Variants in NFKBIZ observed in about 807,000 individuals in gnomAD.
NFKBIZ encodes NFKB inhibitor zeta.
Under a neutral mutation model 76.8 loss-of-function variants are expected in NFKBIZ, and 19 were observed. The ratio of observed to expected loss-of-function variants is 0.25; its 90% CI spans 0.17 to 0.36. The LOEUF (loss-of-function observed/expected upper bound fraction) is 0.36. Ranked by LOEUF, NFKBIZ falls within the 10% of genes least tolerant of loss-of-function variation. NFKBIZ has a pLI of 1.00. For synonymous variants in NFKBIZ, 368 were observed against 354.8 expected (o/e 1.04, Z -0.42); for missense variants, 829 against 910.9 (o/e 0.91, Z 1.16).
At chr3:101,841,344 A>G (rs1297055176) in intron 2 of NFKBIZ, among the ~76,000 whole-genome samples, 1 of 152,214 alleles carries the variant, frequency 6.6e-6, no homozygotes, top group Non-Finnish European at 1.5e-5. Flanking sequence ...GGAAGTATAT[A>G]AGTGCCAGTA....
intron 10 of NFKBIZ, 52 bp from the exon 11 acceptor site, chr3:101,857,240 T>C (rs2107422982): frequency 6.2e-7 from 1 of 1,611,376 alleles, no homozygotes; most frequent in South Asian, 1.1e-5. Context: ...TGAGCTCCTT[T>C]CATGAAATTT....
upstream of NFKBIZ, chr3:101,849,291 G>A (rs1942903889): frequency 4.7e-6 from 1 of 210,872 alleles, no homozygotes. Context: ...TCCCGGTGAA[G>A]GGCAGGCAAA....
In NFKBIZ at chr3:101,855,429, T is replaced by C; in HGVS notation, c.1625T>C (p.Phe542Ser). ...AAGGGAGCAGTGGGAAGTAATCAGT[T>C]TGTGGATCTTGAGGCAACTAACTAT... is the stretch of plus-strand genomic sequence containing the variant. ...IQKGAVGSNQ[F>S]VDLEATNYDG... The change falls in exon 8 of 12, where the codon TTT (phenylalanine) becomes TCT (serine). Residue 542 changes from phenylalanine (F) to serine (S), a missense_variant. Physicochemically the swap from Phe to Ser is radical, Grantham distance 155 (BLOSUM62 -2). This residue lies in a region of NFKBIZ where 272 missense variants were observed against 384.2 expected (regional missense o/e 0.71). Transcript: ENST00000326172. 1 of 1,614,212 alleles carries C rather than the reference T, an allele frequency of 6.2e-7. No individual in the cohort carries two copies. The highest frequency in any genetic ancestry group is 1.1e-5 in the South Asian group (1 of 91,084).
At chr3:101,842,443 G>T (rs758441423) in intron 2 of NFKBIZ, among the ~76,000 whole-genome samples, 9 of 151,882 alleles carry the variant, frequency 5.9e-5, no homozygotes, top group Non-Finnish European at 1.2e-4. Flanking sequence ...ATAGTGTAGA[G>T]CAAGCTTGTC....
chr3:101,858,736 G>A (rs984793473), intron 11 of NFKBIZ, among the ~76,000 whole-genome samples: 2 of 152,124 alleles, frequency 1.3e-5, no homozygotes, highest in African/African-American at 4.8e-5. Flanking sequence ...CTGAGAGATA[G>A]AAAATAAAAT....
At chr3:101,840,446 C>T (rs1942773545) in intron 2 of NFKBIZ, among the ~76,000 whole-genome samples, 1 of 152,002 alleles carries the variant, frequency 6.6e-6, no homozygotes, top group Non-Finnish European at 1.5e-5. Flanking sequence ...CACAGGTAGC[C>T]CTTCAGACTA....
rs1943123981 is a variant in NFKBIZ, at chr3:101,860,848, GAGTACTTA to G, written c.*1479_*1486del. 2 of 148,222 alleles carry G rather than the reference GAGTACTTA, an allele frequency of 1.3e-5. No homozygotes were observed. The highest frequency in any genetic ancestry group is 5.0e-5 in the African/African-American group (2 of 40,224). 9.2% of individuals were successfully genotyped at this position (148,222 alleles called of 1,614,324 possible). On this transcript the variant is annotated 3_prime_UTR_variant, in exon 12 of 12. Transcript: ENST00000326172. ...CATTAGTGAACTTATCTTTGCAGCTGAGTACTTAAATTCTTTTTAAAAAGATACCCTTT... is the reference window on the plus strand; with the variant it reads ...CATTAGTGAACTTATCTTTGCAGCTGAATTCTTTTTAAAAAGATACCCTTT...
At chr3:101,857,901 T>G (rs1253488476) in intron 11 of NFKBIZ, 4 of 860,904 alleles carry the variant, frequency 4.6e-6, no homozygotes, top group Non-Finnish European at 5.6e-6. Flanking sequence ...TGAACATCAA[T>G]AGTTAGAATT....
chr3:101,828,467 T>C (rs1942589814), intron 1 of NFKBIZ, among the ~76,000 whole-genome samples: 1 of 152,182 alleles, frequency 6.6e-6, no homozygotes, highest in Non-Finnish European at 1.5e-5. Context: ...GAATGGGTGA[T>C]GAAGTATCAT....
chr3:101,849,905 G>A lies in NFKBIZ; in HGVS notation c.277G>A (p.Glu93Lys), dbSNP rs575628701. The change falls in exon 1 of 12, where the codon GAG becomes AAG. Residue 93 changes from glutamate (E) to lysine (K), a missense_variant. Physicochemically the swap from Glu to Lys is moderately conservative, Grantham distance 56. This residue lies in a region of NFKBIZ where 181 missense variants were observed against 175.3 expected (regional missense o/e 1.03). Transcript: ENST00000326172. ...ESRSRGGARA[E>K]RQPVEPHMGV... is the part of the protein sequence containing the mutation. The stretch of plus-strand genomic sequence containing the variant: ...CCGGTCGAGAGGCGGCGCCCGCGCC[G>A]AGCGCCAGCCAGGTACCCGCCGGCC... 213 of 1,426,910 alleles carry A rather than the reference G, an allele frequency of 1.5e-4. 1 individual carries two copies. The highest frequency in any genetic ancestry group is 1.8e-4 in the Non-Finnish European group (199 of 1,097,792). The allele number at this position is 1,426,910 out of a possible 1,614,324, so 88.4% of individuals were successfully genotyped here. A position where few individuals can be genotyped will look rare whatever the true frequency, so the allele number is the denominator to read the frequency against.
chr3:101,850,133 G>GC (rs1209787931), intron 1 of NFKBIZ: 1 of 432,998 alleles, frequency 2.3e-6, no homozygotes, highest in Non-Finnish European at 4.0e-6. Context: ...CCTCCCGCGG[G>GC]CCTCGGGGGG....
upstream of NFKBIZ, chr3:101,849,028 G>C (rs1165271180): frequency 6.6e-6 from 1 of 152,638 alleles, no homozygotes; most frequent in Non-Finnish European, 1.5e-5. Flanking sequence ...CGCCGGGGCA[G>C]GCAGAGGGGT....
intron 1 of NFKBIZ, chr3:101,850,464 T>C (rs1560086969): frequency 6.6e-6 from 1 of 152,238 alleles, no homozygotes; most frequent in Non-Finnish European, 1.5e-5. Flanking sequence ...GTTATGCCTT[T>C]AGTTTGGCGA....
upstream of NFKBIZ, among the ~76,000 whole-genome samples, chr3:101,847,351 T>C (rs1250743675): frequency 6.6e-6 from 1 of 152,286 alleles, no homozygotes; most frequent in African/African-American, 2.4e-5. Flanking sequence ...AGGGATTTGT[T>C]TTCTTTTTTA....
Position 101,849,547 on chromosome 3 carries a change from C to G in NFKBIZ, c.-82C>G, listed in dbSNP as rs1942912897. On this transcript the variant is annotated 5_prime_UTR_variant, in exon 1 of 12. Coordinates refer to ENST00000326172, the MANE Select transcript of NFKBIZ (RefSeq NM_031419.4). Reference sequence around the variant, plus strand: ...CCGCGCCGTCCGCCCGCCGACAGCTCCCTGAGCCAGCCCGGGAGGCAGCCG... The same window carrying G: ...CCGCGCCGTCCGCCCGCCGACAGCTGCCTGAGCCAGCCCGGGAGGCAGCCG... 4.9e-6 allele frequency: 6 copies of G among 1,229,082 alleles called. No individual in the cohort carries two copies. Among genetic ancestry groups the G allele is most frequent in the Non-Finnish European group, 5.2e-6 (5 of 968,890 alleles). 76.1% of individuals were successfully genotyped at this position (1,229,082 alleles called of 1,614,324 possible).
intron 2 of NFKBIZ, among the ~76,000 whole-genome samples, chr3:101,834,629 G>A (rs936484225): frequency 3.9e-5 from 6 of 152,224 alleles, no homozygotes; most frequent in African/African-American, 1.4e-4. Context: ...CCAAAGTGCT[G>A]GGATCACAGG....
At position 101,855,409 on chromosome 3, in the gene NFKBIZ, A is replaced by T; in HGVS notation, c.1605A>T (p.Gly535=). ...HSQVLQAIQK[G]AVGSNQFVDL... is the part of the protein sequence containing the mutation. ...AAAATCTGCAGGCGATTCAGAAGGG[A>T]GCAGTGGGAAGTAATCAGTTTGTGG... The change falls in exon 8 of 12, where the codon GGA becomes GGT. Residue 535 remains glycine, a synonymous_variant. Transcript: ENST00000326172. 1.2e-6 allele frequency: 2 copies of T among 1,614,196 alleles called. No homozygotes were observed. The highest frequency in any genetic ancestry group is 2.2e-5 in the South Asian group (2 of 91,084).
chr3:101,855,878 A>G lies in NFKBIZ; in HGVS notation c.1800A>G (p.Gln600=), dbSNP rs1309343064. The G allele has an allele frequency of 1.2e-6, 2 of 1,611,842 alleles. No homozygotes were observed. Among genetic ancestry groups the G allele is most frequent in the Non-Finnish European group, 1.7e-6 (2 of 1,179,146 alleles). Residue 600 remains glutamine, a synonymous_variant, in exon 9 of 12, where the codon CAA becomes CAG. Transcript: ENST00000326172. ...SLVDTIKCLI[Q]MGAAVEAKDR... ...TTGATACCATTAAGTGCCTAATTCA[A>G]ATGGGAGCAGCGGTGGAAGCGAAGG...
chr3:101,832,077 T>G (rs1942654811), intron 2 of NFKBIZ, among the ~76,000 whole-genome samples: 1 of 152,002 alleles, frequency 6.6e-6, no homozygotes, highest in African/African-American at 2.4e-5. Context: ...ATGCCAAGCT[T>G]CTTTGTTCTT....
Sources: allele counts gnomAD v4.1 joint callset (sites outside exome capture counted in the v4.1 genomes callset), GRCh38; gene constraint gnomAD v4.1.1; regional missense constraint gnomAD v4.1.1; transcripts MANE v1.5; gene names NCBI Gene and HGNC (gene_info 2026-07-23, HGNC 2026-07-21).